The following PARD6G variants were observed in gnomAD, a reference collection of about 807,000 sequenced individuals.
The protein encoded by PARD6G is par-6 family cell polarity regulator gamma, also known as partitioning defective 6 homolog gamma.
PARD6G carries 7 observed loss-of-function variants against 10.7 expected under a neutral mutation model. The ratio of observed to expected loss-of-function variants is 0.66; its 90% CI spans 0.37 to 1.23. The LOEUF is 1.23. Among genes scored for constraint, PARD6G ranks in the 50% most tolerant of loss-of-function variants. The pLI is 0.02. For synonymous variants in PARD6G, 287 were observed against 269.4 expected, an observed-to-expected ratio of 1.07 and a Z score of -0.64; for missense variants, 548 against 571.8, an observed-to-expected ratio of 0.96 and a Z score of 0.42.
intron 1 of PARD6G, among the ~76,000 whole-genome samples, chr18:80,210,890 C>T (rs1272443199): frequency 6.6e-6 from 1 of 151,648 alleles, no homozygotes; most frequent in Admixed American, 6.6e-5. Context: ...CAAAACCTCC[C>T]CACCCCCCAT....
chr18:80,174,877 C>T (rs1047036043), intron 2 of PARD6G, among the ~76,000 whole-genome samples: 1 of 152,080 alleles, frequency 6.6e-6, no homozygotes, highest in African/African-American at 2.4e-5. Context: ...TGGCGTGAAC[C>T]CGGGAGGCGG....
chr18:80,219,502 G>A (rs149646050), intron 1 of PARD6G, among the ~76,000 whole-genome samples: 3,118 of 151,842 alleles, frequency 0.021, 99 homozygotes, highest in African/African-American at 0.069. Context: ...GAGCCACTGC[G>A]CCCAGCCGGG....
chr18:80,209,130 A>C, intron 1 of PARD6G, among the ~76,000 whole-genome samples: 1 of 151,948 alleles, frequency 6.6e-6, no homozygotes, highest in Non-Finnish European at 1.5e-5. Flanking sequence ...CAAACAAAAA[A>C]AAAAAACACA....
At chr18:80,217,615 A>G (rs569781513) in intron 1 of PARD6G, among the ~76,000 whole-genome samples, 2 of 152,232 alleles carry the variant, frequency 1.3e-5, no homozygotes, top group Non-Finnish European at 2.9e-5. Flanking sequence ...AATGAGAAAC[A>G]TAACAGACAA....
chr18:80,197,719 T>G (rs1966970879), intron 2 of PARD6G: 1 of 152,000 alleles, frequency 6.6e-6, no homozygotes, highest in Non-Finnish European at 1.5e-5. Flanking sequence ...CTGTTTGCAC[T>G]TCCTGTTTAT....
intron 1 of PARD6G, among the ~76,000 whole-genome samples, chr18:80,244,427 G>A (rs8083812): frequency 0.025 from 3,808 of 152,140 alleles, 151 homozygotes; most frequent in African/African-American, 0.087. Flanking sequence ...GGCCCCTCGC[G>A]CACACACACC....
At chr18:80,193,574 G>C (rs1021538830) in intron 2 of PARD6G, among the ~76,000 whole-genome samples, 1 of 152,184 alleles carries the variant, frequency 6.6e-6, no homozygotes, top group Admixed American at 6.5e-5. Flanking sequence ...GGCGATGTTT[G>C]TACAATGTAC....
rs1159279169 is a variant in PARD6G, at chr18:80,180,194, A to G, written c.296-19588T>C. 1.3e-5 allele frequency among the ~76,000 whole-genome samples: 2 copies of G among 152,246 alleles called. No homozygotes were observed. The highest frequency in any genetic ancestry group is 2.4e-5 in the African/African-American group (1 of 41,466). On this transcript the variant is annotated intron_variant, in intron 2 of 2. Transcript: ENST00000353265. The surrounding 1 kb of genome is among the most constrained non-coding windows in gnomAD (Gnocchi z 5.6). ...GCTGCTCACCTGGGCTTGGGTGTCC[A>G]GGTCCTGAGCTCACTCCTGGTGATA...
chr18:80,242,701 C>T (rs1198405751), intron 1 of PARD6G, among the ~76,000 whole-genome samples: 1 of 152,220 alleles, frequency 6.6e-6, no homozygotes, highest in Non-Finnish European at 1.5e-5. Context: ...GCTCCCATAA[C>T]TTATTAACTC....
chr18:80,187,557 C>A (rs559925330), intron 2 of PARD6G, among the ~76,000 whole-genome samples: 1 of 152,176 alleles, frequency 6.6e-6, no homozygotes, highest in South Asian at 2.1e-4. Context: ...GGGAGGGTCA[C>A]GAGGAACAAA....
chr18:80,242,482 A>G (rs1967500705), intron 1 of PARD6G, among the ~76,000 whole-genome samples: 1 of 152,236 alleles, frequency 6.6e-6, no homozygotes, highest in Non-Finnish European at 1.5e-5. Flanking sequence ...TGGGGACCAG[A>G]GGAGATATGC....
chr18:80,199,167 C>A (rs1163216999), intron 2 of PARD6G, among the ~76,000 whole-genome samples: 1 of 152,220 alleles, frequency 6.6e-6, no homozygotes, highest in Non-Finnish European at 1.5e-5. Context: ...ACCATTGCTT[C>A]CGGGGGACAC....
chr18:80,199,518 T>C (rs1966989815), intron 2 of PARD6G, among the ~76,000 whole-genome samples: 1 of 152,236 alleles, frequency 6.6e-6, no homozygotes, highest in Non-Finnish European at 1.5e-5. Flanking sequence ...TGTGGGTGCA[T>C]TTTTCCATGT....
chr18:80,232,765 C>G (rs909489001), intron 1 of PARD6G, among the ~76,000 whole-genome samples: 2 of 152,152 alleles, frequency 1.3e-5, no homozygotes, highest in Non-Finnish European at 2.9e-5. Context: ...CACGCCCACA[C>G]CAGCATTCAT....
chr18:80,190,644 T>G (rs1032711958), intron 2 of PARD6G, among the ~76,000 whole-genome samples: 4 of 152,170 alleles, frequency 2.6e-5, no homozygotes, highest in African/African-American at 9.7e-5. Flanking sequence ...AGGATTCAGT[T>G]CTGTCCTATA....
intron 2 of PARD6G, among the ~76,000 whole-genome samples, chr18:80,193,688 T>C (rs758054841): frequency 2.0e-5 from 3 of 152,256 alleles, no homozygotes; most frequent in Non-Finnish European, 4.4e-5. Context: ...CATTAATATT[T>C]GATACTGGTT....
chr18:80,229,458 G>C (rs1032199986), intron 1 of PARD6G, among the ~76,000 whole-genome samples: 3 of 152,326 alleles, frequency 2.0e-5, no homozygotes, highest in South Asian at 2.1e-4. Context: ...GGACCTCTGG[G>C]GCTGGGCCCA....
intron 2 of PARD6G, among the ~76,000 whole-genome samples, chr18:80,177,341 CAT>C (rs1030723704): frequency 7.0e-6 from 1 of 142,498 alleles, no homozygotes; most frequent in Admixed American, 7.0e-5. Flanking sequence ...CACACACACA[CAT>C]ACACACACAT....
At chr18:80,195,752 G>A (rs1453191928) in intron 2 of PARD6G, among the ~76,000 whole-genome samples, 1 of 150,926 alleles carries the variant, frequency 6.6e-6, no homozygotes, top group African/African-American at 2.4e-5. Flanking sequence ...GCGCGTGCCT[G>A]TAGTCCCAGC....
Sources: gnomAD v4.1 joint callset for allele counts (sites outside exome capture counted in the v4.1 genomes callset) on GRCh38, gnomAD v4.1.1 for gene constraint, Gnocchi (gnomAD v3.1) non-coding constraint, MANE v1.5 for transcripts, NCBI Gene and HGNC (gene_info 2026-07-23, HGNC 2026-07-21) for gene names.